The following MAGI3 variants were observed in gnomAD, a reference collection of about 807,000 sequenced individuals.
MAGI3 encodes the protein membrane-associated guanylate kinase, WW and PDZ domain-containing protein 3.
In MAGI3, 43 loss-of-function variants were observed where a neutral mutation model predicts 121.8. That is an observed-to-expected ratio of 0.35 (90% CI 0.28 to 0.46). The LOEUF is 0.46. Ranked by LOEUF, MAGI3 falls within the 20% of genes least tolerant of loss-of-function variation. The pLI is 1.00. For missense variants in MAGI3, 1,547 were observed against 1,797.3 expected (o/e 0.86, Z 2.52); for synonymous variants, 553 against 639.3 (o/e 0.86, Z 2.04).
chr1:113,541,326 T>C (rs546645106), intron 1 of MAGI3, among the ~76,000 whole-genome samples: 93 of 152,350 alleles, frequency 6.1e-4, no homozygotes, highest in Non-Finnish European at 9.4e-4. Flanking sequence ...GAATGTGACC[T>C]TTGTTAGCAG....
At chr1:113,521,890 C>A (rs752007011) in intron 1 of MAGI3, among the ~76,000 whole-genome samples, 5 of 152,002 alleles carry the variant, frequency 3.3e-5, no homozygotes, top group Non-Finnish European at 5.9e-5. Context: ...TCTTTCATTT[C>A]TCCTTTTGAT....
intron 5 of MAGI3, 23 bp from the exon 6 acceptor site, chr1:113,594,458 T>C: frequency 6.4e-7 from 1 of 1,570,612 alleles, no homozygotes; most frequent in Non-Finnish European, 8.7e-7. Context: ...TTACTGTTTC[T>C]AATTAAAATC....
At chr1:113,543,169 C>T (rs1226115237) in intron 1 of MAGI3, among the ~76,000 whole-genome samples, 1 of 152,016 alleles carries the variant, frequency 6.6e-6, no homozygotes, top group African/African-American at 2.4e-5. Flanking sequence ...TTGGCTTTTC[C>T]TGCTGTAGAC....
At chr1:113,399,676 T>A (rs1044195068) in intron 1 of MAGI3, among the ~76,000 whole-genome samples, 2 of 152,158 alleles carry the variant, frequency 1.3e-5, no homozygotes, top group Non-Finnish European at 2.9e-5. Context: ...AAAGTATTTC[T>A]TGTAATTTTT....
At chr1:113,482,822 T>C (rs1046734802) in intron 1 of MAGI3, among the ~76,000 whole-genome samples, 2 of 152,004 alleles carry the variant, frequency 1.3e-5, no homozygotes, top group Admixed American at 1.3e-4. Context: ...CTTTTTTTTT[T>C]TGAGACAGGA....
At chr1:113,581,985 AAGATGCTCTACATTT>A (rs1648069964) in intron 3 of MAGI3, among the ~76,000 whole-genome samples, 1 of 152,014 alleles carries the variant, frequency 6.6e-6, no homozygotes, top group Non-Finnish European at 1.5e-5. Flanking sequence ...TTAAATGATG[AAGATGCTCTACATTT>A]TCTTCCACTA....
intron 2 of MAGI3, among the ~76,000 whole-genome samples, chr1:113,576,042 C>G (rs180726715): frequency 4.7e-4 from 71 of 152,314 alleles, no homozygotes; most frequent in Non-Finnish European, 7.9e-4. Flanking sequence ...CCCCTCCCCC[C>G]ACCAAGCTCG....
chr1:113,673,641 A>T (rs969846278), intron 19 of MAGI3, among the ~76,000 whole-genome samples, 176 bp downstream of exon 19: 4 of 152,228 alleles, frequency 2.6e-5, no homozygotes, highest in African/African-American at 7.2e-5. Context: ...TAACGCCCTG[A>T]TGATTTCATT....
intron 2 of MAGI3, among the ~76,000 whole-genome samples, chr1:113,574,155 A>G (rs1260887727): frequency 1.3e-5 from 2 of 152,114 alleles, no homozygotes; most frequent in South Asian, 2.1e-4. Flanking sequence ...CCAATTTGCC[A>G]GTCTGTGTCT....
intron 1 of MAGI3, among the ~76,000 whole-genome samples, chr1:113,415,696 C>T (rs528016048): frequency 6.6e-6 from 1 of 151,966 alleles, no homozygotes; most frequent in Non-Finnish European, 1.5e-5. Flanking sequence ...CTCTTCCAGC[C>T]TCACATCCAG....
intron 19 of MAGI3, among the ~76,000 whole-genome samples, chr1:113,679,466 ATGGTG>A (rs1479664996): frequency 2.0e-5 from 3 of 152,210 alleles, no homozygotes; most frequent in African/African-American, 7.2e-5. Context: ...ATAGTATTCT[ATGGTG>A]TGTATATACC....
chr1:113,400,623 A>T (rs535143124), intron 1 of MAGI3, among the ~76,000 whole-genome samples: 1 of 152,194 alleles, frequency 6.6e-6, no homozygotes, highest in Non-Finnish European at 1.5e-5. Flanking sequence ...CCATATATTG[A>T]TTAATTAAGC....
chr1:113,641,357 A>G (rs1011416378), intron 9 of MAGI3, among the ~76,000 whole-genome samples: 1 of 150,840 alleles, frequency 6.6e-6, no homozygotes, highest in African/African-American at 2.4e-5. Flanking sequence ...TTCCTGCTAA[A>G]GCTGGGCTCT....
At chr1:113,487,880 A>T (rs768900719) in intron 1 of MAGI3, among the ~76,000 whole-genome samples, 20 of 152,072 alleles carry the variant, frequency 1.3e-4, no homozygotes, top group Non-Finnish European at 4.4e-5. Flanking sequence ...TATTGGCAGC[A>T]TAATATTATA....
intron 1 of MAGI3, among the ~76,000 whole-genome samples, chr1:113,533,345 A>T (rs1181539869): frequency 6.6e-6 from 1 of 152,198 alleles, no homozygotes; most frequent in Non-Finnish European, 1.5e-5. Flanking sequence ...CAGATAACCA[A>T]ATCCACATGT....
intron 1 of MAGI3, among the ~76,000 whole-genome samples, chr1:113,487,561 A>G (rs1174700833): frequency 6.6e-6 from 1 of 152,176 alleles, no homozygotes; most frequent in Non-Finnish European, 1.5e-5. Context: ...AGCATGAGGT[A>G]TGCATAATTC....
intron 19 of MAGI3, among the ~76,000 whole-genome samples, chr1:113,679,383 T>C (rs1229643140): frequency 2.0e-5 from 3 of 152,198 alleles, no homozygotes; most frequent in African/African-American, 7.2e-5. Flanking sequence ...GTTAGTTTGC[T>C]TAGGATAATG....
At chr1:113,539,650 G>A (rs1397915486) in intron 1 of MAGI3, among the ~76,000 whole-genome samples, 2 of 152,020 alleles carry the variant, frequency 1.3e-5, no homozygotes, top group South Asian at 2.1e-4. Context: ...CCACTAACTC[G>A]TCATCTAGCA....
intron 1 of MAGI3, among the ~76,000 whole-genome samples, chr1:113,474,216 C>T (rs1392131301): frequency 6.6e-6 from 1 of 152,136 alleles, no homozygotes; most frequent in African/African-American, 2.4e-5. Flanking sequence ...TGTAGGTTGC[C>T]TGTTCACTCT....
Sources: gnomAD v4.1 joint callset for allele counts (sites outside exome capture counted in the v4.1 genomes callset) on GRCh38, gnomAD v4.1.1 for gene constraint, MANE v1.5 for transcripts, NCBI Gene and HGNC (gene_info 2026-07-23, HGNC 2026-07-21) for gene names.